CCDC170: variants seen among roughly 807,000 people sequenced by gnomAD.
CCDC170 encodes the protein coiled-coil domain-containing protein 170.
CCDC170 carries 69 observed loss-of-function variants against 72.6 expected under a neutral mutation model. The ratio of observed to expected loss-of-function variants is 0.95; its 90% CI spans 0.78 to 1.16. The LOEUF (loss-of-function observed/expected upper bound fraction) is 1.16. CCDC170 is among the 50% of genes most tolerant of loss of function. The pLI is 0.00. For missense variants in CCDC170, 852 were observed against 832.5 expected, an observed-to-expected ratio of 1.02 and a Z score of -0.29; for synonymous variants, 300 against 303.9, an observed-to-expected ratio of 0.99 and a Z score of 0.13.
At chr6:151,526,719 A>G (rs1469310515) in intron 1 of CCDC170, among the ~76,000 whole-genome samples, 1 of 151,722 alleles carries the variant, frequency 6.6e-6, no homozygotes, top group Admixed American at 6.6e-5. Context: ...TTCCCATTTT[A>G]GGCCTTAATT....
intron 3 of CCDC170, among the ~76,000 whole-genome samples, chr6:151,543,682 A>G (rs544099003): frequency 6.6e-6 from 1 of 152,174 alleles, no homozygotes; most frequent in South Asian, 2.1e-4. Context: ...TACGAGTTCA[A>G]TTTTTTGTAG....
At chr6:151,552,514 T>C (rs1261874832) in intron 5 of CCDC170, among the ~76,000 whole-genome samples, 1 of 152,192 alleles carries the variant, frequency 6.6e-6, no homozygotes, top group Non-Finnish European at 1.5e-5. Context: ...AAAGAAAAGC[T>C]TTCTTTATTT....
At position 151,505,187 on chromosome 6, in the gene CCDC170, G is replaced by C. The variant is rs547468294; in HGVS notation, c.57+11002G>C. On this transcript the variant is annotated intron_variant, in intron 1 of 10. Transcript: ENST00000239374. ...TGTGCTGCCCGCAGACCTTCTCTGA[G>C]AGGTTCCCTTCTCAGTGGCCTGCAT... Among the ~76,000 whole-genome samples, 3 of 152,264 alleles carry C rather than the reference G, an allele frequency of 2.0e-5. No individual in the cohort carries two copies. In the South Asian group the frequency reaches 6.2e-4, roughly 32 times the overall value.
intron 3 of CCDC170, 99 bp downstream of exon 3, chr6:151,538,400 T>C: frequency 8.1e-7 from 1 of 1,227,928 alleles, no homozygotes. Context: ...TTTGCATTAC[T>C]TGGCCCTTAA....
intron 1 of CCDC170, among the ~76,000 whole-genome samples, chr6:151,528,170 A>G (rs1782440302): frequency 6.6e-6 from 1 of 152,188 alleles, no homozygotes; most frequent in Non-Finnish European, 1.5e-5. Flanking sequence ...AAATTGCTTC[A>G]TGGGTTAGCT....
chr6:151,527,196 C>T (rs74598344), intron 1 of CCDC170, among the ~76,000 whole-genome samples: 5,350 of 151,758 alleles, frequency 0.035, 313 homozygotes, highest in African/African-American at 0.12. Context: ...CGAGCTTAGC[C>T]ATATTAGAAG....
At chr6:151,500,603 A>G (rs1264909072) in intron 1 of CCDC170, among the ~76,000 whole-genome samples, 1 of 152,154 alleles carries the variant, frequency 6.6e-6, no homozygotes, top group East Asian at 1.9e-4. Flanking sequence ...TATCAGGCAC[A>G]TAACAACCAA....
intron 9 of CCDC170, among the ~76,000 whole-genome samples, chr6:151,614,363 A>G (rs1468191653): frequency 5.9e-5 from 9 of 152,200 alleles, no homozygotes; most frequent in Non-Finnish European, 1.2e-4. Context: ...AAGTGGAATT[A>G]TAAAATATTA....
chr6:151,507,832 A>G (rs1372457492), intron 1 of CCDC170, among the ~76,000 whole-genome samples: 4 of 151,860 alleles, frequency 2.6e-5, no homozygotes, highest in African/African-American at 7.3e-5. Context: ...GAGGCAGGAG[A>G]ATCGCTTGAA....
At chr6:151,509,052 A>G (rs1583002359) in intron 1 of CCDC170, among the ~76,000 whole-genome samples, 1 of 151,798 alleles carries the variant, frequency 6.6e-6, no homozygotes, top group Non-Finnish European at 1.5e-5. Context: ...TAAATATTAC[A>G]TCTTAGAAAA....
chr6:151,612,618 G>A (rs1205495515), intron 9 of CCDC170, among the ~76,000 whole-genome samples: 1 of 152,024 alleles, frequency 6.6e-6, no homozygotes. Context: ...TCTCTCAGCT[G>A]TTTACCGTGT....
At chr6:151,524,443 T>C (rs7763324) in intron 1 of CCDC170, among the ~76,000 whole-genome samples, 77,334 of 152,124 alleles carry the variant, frequency 0.51, 22,656 homozygotes, top group East Asian at 0.81. Flanking sequence ...AAAGAATTCA[T>C]GAACATGGAA....
rs1272606170 is a variant in CCDC170, at chr6:151,586,018, C to T, written c.1222C>T (p.Leu408=). 3 of 1,614,180 alleles carry T rather than the reference C, an allele frequency of 1.9e-6. No individual in the cohort carries two copies. Among genetic ancestry groups the T allele is most frequent in the Non-Finnish European group, 2.5e-6 (3 of 1,180,020 alleles). The change falls in exon 7 of 11, where the codon CTG becomes TTG. Residue 408 remains leucine, a synonymous_variant. Transcript: ENST00000239374. ...TATGTTGGAGACTCTTCAGGGTCAG[C>T]TGACACACCTGGAGGCAGAGCTGGT... is the stretch of plus-strand genomic sequence containing the variant. ...ENMLETLQGQ[L]THLEAELVSG...
chr6:151,499,956 T>A (rs1366570576), intron 1 of CCDC170, among the ~76,000 whole-genome samples: 1 of 152,206 alleles, frequency 6.6e-6, no homozygotes, highest in African/African-American at 2.4e-5. Flanking sequence ...TTGAGGGATA[T>A]ATACCCGAAG....
intron 1 of CCDC170, among the ~76,000 whole-genome samples, chr6:151,508,403 G>C (rs113642355): frequency 0.087 from 13,062 of 150,626 alleles, 665 homozygotes; most frequent in Middle Eastern, 0.16. Flanking sequence ...CAGGCATAGT[G>C]GGGGGGCGCC....
At chr6:151,537,553 A>G (rs1782609837) in intron 2 of CCDC170, among the ~76,000 whole-genome samples, 1 of 152,128 alleles carries the variant, frequency 6.6e-6, no homozygotes, top group South Asian at 2.1e-4. Context: ...TTTCCCAGAA[A>G]TTTAAATGTT....
At chr6:151,571,652 A>C (rs755371283) in intron 5 of CCDC170, among the ~76,000 whole-genome samples, 2 of 152,058 alleles carry the variant, frequency 1.3e-5, no homozygotes, top group Admixed American at 6.6e-5. Flanking sequence ...ACTTGAACCC[A>C]GTAGGCGGAG....
chr6:151,564,620 C>A (rs575609211), intron 5 of CCDC170, among the ~76,000 whole-genome samples: 1 of 152,238 alleles, frequency 6.6e-6, no homozygotes, highest in African/African-American at 2.4e-5. Context: ...GCTGGGCAGG[C>A]CAGGCCCTGC....
chr6:151,537,597 A>G (rs1291173307), intron 2 of CCDC170, among the ~76,000 whole-genome samples: 1 of 152,100 alleles, frequency 6.6e-6, no homozygotes, highest in Non-Finnish European at 1.5e-5. Flanking sequence ...AGAATCCAGG[A>G]GATAAGTGTG....
Sources: gnomAD v4.1 joint callset for allele counts (sites outside exome capture counted in the v4.1 genomes callset) on GRCh38, gnomAD v4.1.1 for gene constraint, MANE v1.5 for transcripts, NCBI Gene and HGNC (gene_info 2026-07-23, HGNC 2026-07-21) for gene names.